The following BMP5 variants were observed in gnomAD, a reference collection of about 807,000 sequenced individuals.
BMP5 encodes the protein bone morphogenetic protein 5.
Under a neutral mutation model 46.6 loss-of-function variants are expected in BMP5, and 23 were observed. The observed-to-expected ratio is 0.49, with a 90% CI of 0.35 to 0.70. BMP5 has a LOEUF of 0.70. Ranked by LOEUF, BMP5 falls within the 30% of genes least tolerant of loss-of-function variation. BMP5 has a pLI of 0.00. For missense variants in BMP5, 545 were observed against 565.6 expected (o/e 0.96, Z 0.37); for synonymous variants, 204 against 191.9 (o/e 1.06, Z -0.52).
intron 3 of BMP5, among the ~76,000 whole-genome samples, chr6:55,782,706 G>A (rs754508583): frequency 4.6e-5 from 7 of 152,042 alleles, no homozygotes; most frequent in South Asian, 2.1e-4. Flanking sequence ...AATAAGAAGC[G>A]TGTCTGAAAG....
intron 1 of BMP5, among the ~76,000 whole-genome samples, chr6:55,860,287 A>T (rs531466222): frequency 1.7e-4 from 26 of 152,304 alleles, no homozygotes; most frequent in African/African-American, 6.3e-4. Flanking sequence ...AAATTTTTTT[A>T]AAAAGTAATG....
At chr6:55,862,612 C>A (rs572221413) in intron 1 of BMP5, among the ~76,000 whole-genome samples, 22 of 152,152 alleles carry the variant, frequency 1.4e-4, no homozygotes. Flanking sequence ...ATTGAATGCT[C>A]TTGTATCCTT....
intron 4 of BMP5, among the ~76,000 whole-genome samples, chr6:55,771,469 G>A (rs1775045612): frequency 6.6e-6 from 1 of 151,790 alleles, no homozygotes; most frequent in Admixed American, 6.6e-5. Flanking sequence ...TGGAAGTAAT[G>A]GTTCTATATA....
chr6:55,790,795 C>T (rs565037174), intron 3 of BMP5, among the ~76,000 whole-genome samples: 6 of 152,238 alleles, frequency 3.9e-5, no homozygotes, highest in South Asian at 2.1e-4. Flanking sequence ...TCAAGGCCAC[C>T]GCTACCATGG....
intron 1 of BMP5, among the ~76,000 whole-genome samples, chr6:55,827,843 A>T (rs1364529846): frequency 6.6e-6 from 1 of 151,984 alleles, no homozygotes; most frequent in East Asian, 1.9e-4. Context: ...AACAGATTTC[A>T]ATGACACTAT....
intron 1 of BMP5, among the ~76,000 whole-genome samples, chr6:55,839,301 T>C (rs1562064046): frequency 6.6e-6 from 1 of 152,096 alleles, no homozygotes; most frequent in Non-Finnish European, 1.5e-5. Flanking sequence ...TGTAAGGTTT[T>C]TATTTTTTAT....
At chr6:55,873,720 T>C (rs1777837398) in intron 1 of BMP5, among the ~76,000 whole-genome samples, 1 of 152,000 alleles carries the variant, frequency 6.6e-6, no homozygotes, top group Non-Finnish European at 1.5e-5. Flanking sequence ...CTAAAGCATG[T>C]TTTACATTTT....
At chr6:55,757,056 G>C (rs1774625523) in intron 6 of BMP5, among the ~76,000 whole-genome samples, 1 of 151,894 alleles carries the variant, frequency 6.6e-6, no homozygotes, top group Non-Finnish European at 1.5e-5. Flanking sequence ...TCCCAGGGTA[G>C]AGATACAGAG....
intron 1 of BMP5, among the ~76,000 whole-genome samples, chr6:55,831,804 C>A (rs1311714248): frequency 6.6e-6 from 1 of 152,100 alleles, no homozygotes; most frequent in South Asian, 2.1e-4. Flanking sequence ...AGTGGACACA[C>A]ATCGTTGTGA....
intron 3 of BMP5, among the ~76,000 whole-genome samples, chr6:55,785,958 A>G (rs971197665): frequency 2.0e-5 from 3 of 151,788 alleles, no homozygotes; most frequent in African/African-American, 7.2e-5. Context: ...AATGCTGTAA[A>G]AAGAACTCTC....
At chr6:55,787,517 T>C (rs1276209391) in intron 3 of BMP5, among the ~76,000 whole-genome samples, 1 of 151,664 alleles carries the variant, frequency 6.6e-6, no homozygotes, top group African/African-American at 2.4e-5. Flanking sequence ...TTAGGAAATA[T>C]TACTGGATAT....
intron 1 of BMP5, among the ~76,000 whole-genome samples, chr6:55,831,144 T>C (rs932969457): frequency 1.6e-4 from 24 of 152,112 alleles, no homozygotes; most frequent in Middle Eastern, 3.2e-3. Flanking sequence ...GGGTTATATC[T>C]TCTAGGCAAG....
intron 1 of BMP5, among the ~76,000 whole-genome samples, chr6:55,858,116 C>T (rs755796461): frequency 1.6e-4 from 25 of 152,116 alleles, no homozygotes; most frequent in Non-Finnish European, 2.8e-4. Context: ...TATACTTGAG[C>T]GTTTTATAAT....
rs1226042117 is a variant in BMP5, at chr6:55,754,883, TC to T, written c.*649del. On this transcript the variant is annotated 3_prime_UTR_variant, in exon 7 of 7. Transcript: ENST00000370830. Reference sequence around the variant, plus strand: ...TTTGAGCTCTTTGCAAAATCTACAATCCACAAGCCAAAAAGGAACATGCTCC... The same window carrying T: ...TTTGAGCTCTTTGCAAAATCTACAATCACAAGCCAAAAAGGAACATGCTCC... 1 of 152,006 alleles carries T rather than the reference TC, an allele frequency of 6.6e-6. No individual in the cohort carries two copies. The highest frequency in any genetic ancestry group is 1.9e-4 in the East Asian group (1 of 5,162). The allele number at this position is 152,006 out of a possible 1,614,324, so 9.4% of individuals were successfully genotyped here. A position where few individuals can be genotyped will look rare whatever the true frequency, so the allele number is the denominator to read the frequency against.
chr6:55,852,852 C>T (rs1225889826), intron 1 of BMP5, among the ~76,000 whole-genome samples: 1 of 152,068 alleles, frequency 6.6e-6, no homozygotes, highest in Non-Finnish European at 1.5e-5. Flanking sequence ...TTGTTGCTGG[C>T]CAGGCGCGGA....
At chr6:55,762,662 G>T (rs944409502) in intron 4 of BMP5, among the ~76,000 whole-genome samples, 1 of 151,976 alleles carries the variant, frequency 6.6e-6, no homozygotes. Flanking sequence ...AAATTTCCTC[G>T]ATCGTGTTTA....
intron 2 of BMP5, among the ~76,000 whole-genome samples, chr6:55,808,512 G>A (rs1422173558): frequency 3.9e-5 from 6 of 152,170 alleles, no homozygotes; most frequent in African/African-American, 1.4e-4. Context: ...TCCTCCCTCT[G>A]TGAGCTCAGC....
intron 3 of BMP5, among the ~76,000 whole-genome samples, chr6:55,779,626 G>A (rs1424916242): frequency 6.6e-6 from 1 of 152,144 alleles, no homozygotes; most frequent in East Asian, 1.9e-4. Context: ...ATGTGAGGAA[G>A]ATAGAATCTT....
intron 3 of BMP5, among the ~76,000 whole-genome samples, chr6:55,777,962 T>C (rs1422035153): frequency 1.3e-5 from 2 of 151,980 alleles, no homozygotes; most frequent in Admixed American, 6.6e-5. Flanking sequence ...CAGTTCCACA[T>C]TGGGTCAGGA....
Sources: gnomAD v4.1 joint callset for allele counts (sites outside exome capture counted in the v4.1 genomes callset) on GRCh38, gnomAD v4.1.1 for gene constraint, MANE v1.5 for transcripts, NCBI Gene and HGNC (gene_info 2026-07-23, HGNC 2026-07-21) for gene names.